The following PTPRN variants were observed in gnomAD, a reference collection of about 807,000 sequenced individuals.
The protein encoded by PTPRN is receptor-type tyrosine-protein phosphatase-like N.
PTPRN carries 70 observed loss-of-function variants against 108.5 expected under a neutral mutation model. That is an observed-to-expected ratio of 0.65 (90% CI 0.53 to 0.79). The LOEUF (loss-of-function observed/expected upper bound fraction) is 0.79, where lower values mean the gene tolerates loss of function less well. Ranked by LOEUF, PTPRN falls within the 30% of genes least tolerant of loss-of-function variation. The pLI, the probability that PTPRN is intolerant of heterozygous loss-of-function variation, is 0.00. For missense variants in PTPRN, 1,136 were observed against 1,295.5 expected, an observed-to-expected ratio of 0.88 and a Z score of 1.89; for synonymous variants, 496 against 524.6, an observed-to-expected ratio of 0.95 and a Z score of 0.75.
At chr2:219,291,376 G>T in intron 20 of PTPRN, 94 bp downstream of exon 20, 1 of 1,370,904 alleles carries the variant, frequency 7.3e-7, no homozygotes, top group Non-Finnish European at 1.0e-6. Flanking sequence ...GACTATGCCT[G>T]CAGTTTGCTA....
At chr2:219,301,037 C>G (rs1952332031) in intron 7 of PTPRN, 60 bp from the exon 8 acceptor site, 1 of 1,549,814 alleles carries the variant, frequency 6.5e-7, no homozygotes, top group African/African-American at 1.4e-5. Flanking sequence ...CTACACAACA[C>G]AAGTGGGAGA....
intron 1 of PTPRN, chr2:219,308,832 C>T (rs1410776804): frequency 1.5e-6 from 2 of 1,311,328 alleles, no homozygotes; most frequent in Admixed American, 2.3e-5. Context: ...TCACCGTTCC[C>T]TCATTCTCCC....
At chr2:219,291,642 G>C in intron 19 of PTPRN, 119 bp from the exon 20 acceptor site, 1 of 1,069,144 alleles carries the variant, frequency 9.4e-7, no homozygotes, top group Admixed American at 2.1e-5. Context: ...GGGGCAGAGA[G>C]GGAAGATGGT....
chr2:219,289,965 G>A lies in PTPRN; in HGVS notation c.*261C>T, dbSNP rs1012767847. 2.0e-6 allele frequency: 1 copy of A among 511,180 alleles called. No individual in the cohort carries two copies. The highest frequency in any genetic ancestry group is 1.9e-5 in the African/African-American group (1 of 52,020). The allele number at this position is 511,180 out of a possible 1,614,324, so 31.7% of individuals were successfully genotyped here. On this transcript the variant is annotated 3_prime_UTR_variant, in exon 23 of 23. Transcript: ENST00000295718. ...GAATGTAGGCAGGAGAAGGCTCTGG[G>A]TAGAATTGCTACCCATGTCCTTTCC...
At position 219,309,347 on chromosome 2, in the gene PTPRN, G is replaced by GGA; in HGVS notation, c.-16_-15insTC. 2 of 1,365,926 alleles carry GGA rather than the reference G, an allele frequency of 1.5e-6. No individual in the cohort carries two copies. Among genetic ancestry groups the GGA allele is most frequent in the Non-Finnish European group, 1.9e-6 (2 of 1,033,370 alleles). The allele number at this position is 1,365,926 out of a possible 1,614,324, so 84.6% of individuals were successfully genotyped here. A position where few individuals can be genotyped will look rare whatever the true frequency, so the allele number is the denominator to read the frequency against. On this transcript the variant is annotated 5_prime_UTR_variant, in exon 1 of 23. Coordinates refer to ENST00000295718, the MANE Select transcript of PTPRN (RefSeq NM_002846.4). The stretch of plus-strand genomic sequence containing the variant: ...GGGCGCCGCATCTTTCCGAGCTCCG[G>GGA]GCGCTCGCTCCCGGGCCGGAGCCGC...
At position 219,297,408 on chromosome 2, in the gene PTPRN, G is replaced by C. The variant is rs765350345; in HGVS notation, c.1913C>G (p.Thr638Arg). ...CTCTGCCCGGTTGAACAAGGACTTC[G>C]TGGCCATGTGCTGGCGGCACAGGTC... ...YQDLCRQHMA[T>R]KSLFNRAEGP... Residue 638 changes from threonine to arginine, a missense_variant, in exon 14 of 23, where the codon ACG (threonine) becomes AGG (arginine). Transcript: ENST00000295718. The surrounding 1 kb of genome is among the most constrained non-coding windows in gnomAD (Gnocchi z 6.0). 6.2e-7 allele frequency: 1 copy of C among 1,613,986 alleles called. No individual in the cohort carries two copies. Among genetic ancestry groups the C allele is most frequent in the Non-Finnish European group, 8.5e-7 (1 of 1,180,034 alleles).
intron 19 of PTPRN, among the ~76,000 whole-genome samples, chr2:219,294,656 A>G (rs1191217002): frequency 1.3e-5 from 2 of 151,592 alleles, no homozygotes; most frequent in African/African-American, 2.4e-5. Context: ...CTGGAGAGGG[A>G]GGGGAGACAG....
chr2:219,297,007 G>A lies in PTPRN; in HGVS notation c.2214C>T (p.Asn738=), dbSNP rs745529654. 6 of 1,613,914 alleles carry A rather than the reference G, an allele frequency of 3.7e-6. No homozygotes were observed. In the South Asian group the frequency reaches 6.6e-5, roughly 18 times the overall value. The stretch of plus-strand genomic sequence containing the variant: ...CACAGGGCAGGAAGTCAGGATGCCG[G>A]TTCTTTTTGATGTTGCCCTCCCCCT... ...TAQGEGNIKK[N]RHPDFLPYDH... Residue 738 remains asparagine, a synonymous_variant, in exon 15 of 23, where the codon AAC becomes AAT. Transcript: ENST00000295718. The surrounding 1 kb of genome is among the most constrained non-coding windows in gnomAD (Gnocchi z 6.0).
intron 9 of PTPRN, 70 bp from the exon 10 acceptor site, chr2:219,299,856 C>G (rs1342600211): frequency 6.4e-7 from 1 of 1,557,668 alleles, no homozygotes; most frequent in Non-Finnish European, 8.8e-7. Flanking sequence ...AAACAGGCCA[C>G]TCCAGGGGTA....
intron 3 of PTPRN, among the ~76,000 whole-genome samples, chr2:219,306,619 G>A (rs1454651274): frequency 2.0e-5 from 3 of 152,000 alleles, no homozygotes; most frequent in Non-Finnish European, 4.4e-5. Flanking sequence ...TCCCCTATGA[G>A]GCCCTAAAGT....
chr2:219,296,855 C>T lies in PTPRN; in HGVS notation c.2237-33G>A. 1.2e-6 allele frequency: 2 copies of T among 1,614,022 alleles called. No homozygotes were observed. The highest frequency in any genetic ancestry group is 1.7e-6 in the Non-Finnish European group (2 of 1,179,956). On this transcript the variant is annotated intron_variant, in intron 15 of 22. Transcript: ENST00000295718. The surrounding 1 kb of genome is among the most constrained non-coding windows in gnomAD (Gnocchi z 6.0). ...GACCCGACACCCCACCCCAGATGGC[C>T]CTCTGGTCATTGGCATCGCGGGACC...
rs181168627 is a variant in PTPRN at position 219,303,688 on chromosome 2, A to T, written c.377+47T>A. The stretch of plus-strand genomic sequence containing the variant: ...TCTCCATCAATTAGGACAACCACAG[A>T]TTCATCAGCCTCACCATTGCTAGAG... On this transcript the variant is annotated intron_variant, in intron 4 of 22. Transcript: ENST00000295718. 218 of 1,544,634 alleles carry T rather than the reference A, an allele frequency of 1.4e-4. 1 individual carries two copies. In the Middle Eastern group the frequency reaches 1.5e-3, roughly 11 times the overall value.
In PTPRN at chr2:219,297,374, C is replaced by T. The variant is rs560429997; in HGVS notation, c.1947G>A (p.Pro649=). 6.8e-5 allele frequency: 110 copies of T among 1,613,964 alleles called. No homozygotes were observed. The highest frequency in any genetic ancestry group is 1.2e-4 in the Admixed American group (7 of 60,008). The change falls in exon 14 of 23, where the codon CCG becomes CCA. Residue 649 remains proline (P), a synonymous_variant. Transcript: ENST00000295718. The surrounding 1 kb of genome is among the most constrained non-coding windows in gnomAD (Gnocchi z 6.0). The part of the protein sequence containing the change: ...KSLFNRAEGP[P]EPSRVSSVSS... ...ACACACTGCTCACCCGTGAAGGCTC[C>T]GGTGGACCCTCTGCCCGGTTGAACA...
rs1419990274 is a variant in PTPRN at position 219,307,536 on chromosome 2, T to C, written c.188A>G (p.Gln63Arg). 1.2e-6 allele frequency: 2 copies of C among 1,613,976 alleles called. No individual in the cohort carries two copies. Among genetic ancestry groups the C allele is most frequent in the East Asian group, 4.5e-5 (2 of 44,890 alleles). Residue 63 changes from glutamine to arginine, a missense_variant, in exon 3 of 23, where the codon CAG (glutamine) becomes CGG (arginine). Coordinates refer to ENST00000295718, the MANE Select transcript of PTPRN (RefSeq NM_002846.4). ...GGGCCGGGCCTGCCCCACTCCCACCTGGCACTGCCCAAACAAGCCATCTAA... is the reference window on the plus strand; with the variant it reads ...GGGCCGGGCCTGCCCCACTCCCACCCGGCACTGCCCAAACAAGCCATCTAA... ...CIQDGLFGQCQVGVGQARPLL... is the reference protein window; with the variant it reads ...CIQDGLFGQCRVGVGQARPLL...
chr2:219,297,530 AT>A lies in PTPRN; in HGVS notation c.1888-98del. ...GGGCTCCTAGGCTTGCCCTTGACTG[AT>A]TTTCAGTGGAACTCAGCTCCTCTGG... On this transcript the variant is annotated intron_variant, in intron 13 of 22. Coordinates refer to ENST00000295718, the MANE Select transcript of PTPRN (RefSeq NM_002846.4). This position sits in a 1 kb window ranked among gnomAD's most constrained non-coding sequence, Gnocchi z 6.0. 1 of 1,214,374 alleles carries A rather than the reference AT, an allele frequency of 8.2e-7. No individual in the cohort carries two copies. The highest frequency in any genetic ancestry group is 1.2e-6 in the Non-Finnish European group (1 of 854,732). The allele number at this position is 1,214,374 out of a possible 1,614,324, so 75.2% of individuals were successfully genotyped here.
At chr2:219,301,044 G>T in intron 7 of PTPRN, 67 bp from the exon 8 acceptor site, 1 of 1,500,080 alleles carries the variant, frequency 6.7e-7, no homozygotes, top group Non-Finnish European at 9.3e-7. Context: ...ACACAAGTGG[G>T]AGAAAGGGCC....
Position 219,295,106 on chromosome 2 carries a change from G to A in PTPRN, c.2544C>T (p.Asp848=), listed in dbSNP as rs763001677. ...NLVSEHIWCE[D]FLVRSFYLKN... is the part of the protein sequence containing the mutation. ...TCAGGTAGAAGCTCCGCACCAGAAA[G>A]TCCTCGCACCAGATGTGCTCCGACA... is the stretch of plus-strand genomic sequence containing the variant. Residue 848 remains aspartate (D), a synonymous_variant, in exon 19 of 23, where the codon GAC becomes GAT. Transcript: ENST00000295718. The A allele has an allele frequency of 3.7e-6, 6 of 1,612,942 alleles. No individual in the cohort carries two copies. The highest frequency in any genetic ancestry group is 1.6e-4 in the Middle Eastern group (1 of 6,070).
chr2:219,301,727 G>A lies in PTPRN; in HGVS notation c.995-8C>T. 6.2e-7 allele frequency: 1 copy of A among 1,604,776 alleles called. No individual in the cohort carries two copies. Among genetic ancestry groups the A allele is most frequent in the East Asian group, 2.2e-5 (1 of 44,556 alleles). The stretch of plus-strand genomic sequence containing the variant: ...GCCTCTGCAGAGCCGCATCTGCTGG[G>A]AGCCAGACACAGAGCTTAGGGCTGA... On this transcript the variant is annotated splice_region_variant and splice_polypyrimidine_tract_variant and intron_variant, in intron 6 of 22. Transcript: ENST00000295718.
In PTPRN at chr2:219,290,313, G is replaced by A. The variant is rs1335550635; in HGVS notation, c.2869-16C>T. 6.2e-7 allele frequency: 1 copy of A among 1,612,138 alleles called. No individual in the cohort carries two copies. Among genetic ancestry groups the A allele is most frequent in the Admixed American group, 1.7e-5 (1 of 59,906 alleles). On this transcript the variant is annotated splice_polypyrimidine_tract_variant and intron_variant, in intron 22 of 22. Coordinates refer to ENST00000295718, the MANE Select transcript of PTPRN (RefSeq NM_002846.4). This position sits in a 1 kb window ranked among gnomAD's most constrained non-coding sequence, Gnocchi z 4.2. ...CAAACTGGTCCTGAGGAAGGGCAGTGGTAGGATGGTCATGGAGAGGGCTGA... is the reference window on the plus strand; with the variant it reads ...CAAACTGGTCCTGAGGAAGGGCAGTAGTAGGATGGTCATGGAGAGGGCTGA...
Sources: gnomAD v4.1 joint callset for allele counts (sites outside exome capture counted in the v4.1 genomes callset) on GRCh38, gnomAD v4.1.1 for gene constraint, Gnocchi (gnomAD v3.1) non-coding constraint, MANE v1.5 for transcripts, NCBI Gene and HGNC (gene_info 2026-07-23, HGNC 2026-07-21) for gene names.